Variants in GRM8 observed in about 807,000 individuals in gnomAD.
GRM8 encodes the protein glutamate metabotropic receptor 8, also known as metabotropic glutamate receptor 8.
GRM8 carries 47 observed loss-of-function variants against 87.2 expected under a neutral mutation model. That is an observed-to-expected ratio of 0.54 (90% confidence interval 0.43 to 0.69). The LOEUF (loss-of-function observed/expected upper bound fraction) is 0.69, where lower values mean the gene tolerates loss of function less well. GRM8 is among the 30% of genes least tolerant of loss of function. The probability of loss-of-function intolerance (pLI) is 0.00; values close to 1 mark genes in which losing one functional copy is unlikely to be tolerated. For missense variants in GRM8, 1,019 were observed against 1,139.2 expected (o/e 0.89, Z 1.52); for synonymous variants, 396 against 404.5 (o/e 0.98, Z 0.25).
chr7:126,685,249 G>A lies in GRM8; in HGVS notation c.1358-75751C>T, dbSNP rs369122338. Among the ~76,000 whole-genome samples, 61 of 152,254 alleles carry A rather than the reference G, an allele frequency of 4.0e-4. No homozygotes were observed. The highest frequency in any genetic ancestry group is 1.2e-3 in the African/African-American group (49 of 41,566). On this transcript the variant is annotated intron_variant, in intron 7 of 10. Transcript: ENST00000339582. The surrounding 1 kb of genome is among the most constrained non-coding windows in gnomAD (Gnocchi z 4.2). ...CCCTGGGGGCCACCATGATGGGGCC[G>A]GGCCAAGTTGCCTACAGGCAGGGGA...
intron 3 of GRM8, among the ~76,000 whole-genome samples, chr7:126,916,443 G>T (rs1803908769): frequency 6.6e-6 from 1 of 152,132 alleles, no homozygotes; most frequent in Non-Finnish European, 1.5e-5. Context: ...TCAGAAAAAG[G>T]CAAAGTATCT....
At chr7:126,630,503 A>G (rs1381162855) in intron 7 of GRM8, among the ~76,000 whole-genome samples, 1 of 152,154 alleles carries the variant, frequency 6.6e-6, no homozygotes, top group Non-Finnish European at 1.5e-5. Context: ...AAAAAATTGA[A>G]AAGGTTGGAT....
intron 9 of GRM8, among the ~76,000 whole-genome samples, chr7:126,451,656 C>T (rs890223337): frequency 1.3e-5 from 2 of 151,742 alleles, no homozygotes; most frequent in African/African-American, 4.8e-5. Context: ...CCACAAGATC[C>T]TCTGAGAACT....
chr7:127,216,087 G>A (rs566235221), intron 2 of GRM8, among the ~76,000 whole-genome samples: 6 of 152,172 alleles, frequency 3.9e-5, no homozygotes, highest in Non-Finnish European at 2.9e-5. Flanking sequence ...TCTGCTCTTT[G>A]CAAGGTACAA....
At chr7:127,019,755 T>C (rs1328426564) in intron 3 of GRM8, among the ~76,000 whole-genome samples, 1 of 152,100 alleles carries the variant, frequency 6.6e-6, no homozygotes, top group African/African-American at 2.4e-5. Flanking sequence ...ATTTGAATCT[T>C]ATCTCTATTG....
chr7:126,797,406 A>G (rs1822074771), intron 6 of GRM8, among the ~76,000 whole-genome samples: 1 of 152,130 alleles, frequency 6.6e-6, no homozygotes, highest in Non-Finnish European at 1.5e-5. Flanking sequence ...AAAATAGCAT[A>G]TATTCTTGTT....
chr7:126,842,363 G>A (rs1013374255), intron 6 of GRM8, among the ~76,000 whole-genome samples: 2 of 152,192 alleles, frequency 1.3e-5, no homozygotes, highest in African/African-American at 4.8e-5. Context: ...CTGCTGAAGA[G>A]AAGAGGAACT....
intron 6 of GRM8, among the ~76,000 whole-genome samples, chr7:126,774,021 T>C (rs1291528178): frequency 6.6e-6 from 1 of 152,162 alleles, no homozygotes; most frequent in East Asian, 1.9e-4. Flanking sequence ...TTTTTGTTCT[T>C]TTAAAGAGTT....
chr7:126,484,041 C>T (rs1233801362), intron 9 of GRM8, among the ~76,000 whole-genome samples: 2 of 151,978 alleles, frequency 1.3e-5, no homozygotes, highest in Admixed American at 1.3e-4. Flanking sequence ...AATAATTACC[C>T]TATCAGAAGG....
chr7:127,235,883 G>A (rs2116838887), intron 2 of GRM8, among the ~76,000 whole-genome samples: 1 of 152,206 alleles, frequency 6.6e-6, no homozygotes, highest in East Asian at 1.9e-4. Flanking sequence ...GAAAAAGAAA[G>A]TCATAAATCA....
At chr7:127,220,188 T>G (rs1326253814) in intron 2 of GRM8, among the ~76,000 whole-genome samples, 1 of 152,190 alleles carries the variant, frequency 6.6e-6, no homozygotes, top group East Asian at 1.9e-4. Context: ...CTGACATCGC[T>G]AAGGTCTTCC....
chr7:126,487,226 A>G (rs1584787410), intron 9 of GRM8, among the ~76,000 whole-genome samples: 1 of 151,972 alleles, frequency 6.6e-6, no homozygotes, highest in Admixed American at 6.6e-5. Flanking sequence ...GATTTAATCT[A>G]TAAGTTGTTT....
At chr7:126,455,305 G>A (rs1764243090) in intron 9 of GRM8, among the ~76,000 whole-genome samples, 2 of 149,196 alleles carry the variant, frequency 1.3e-5, no homozygotes, top group Non-Finnish European at 3.0e-5. Flanking sequence ...TCTCTAATTT[G>A]AAAGCCCATA....
chr7:126,810,072 A>T (rs962633752), intron 6 of GRM8, among the ~76,000 whole-genome samples: 14 of 152,138 alleles, frequency 9.2e-5, no homozygotes, highest in African/African-American at 3.1e-4. Flanking sequence ...ATAAAGGGGA[A>T]AACATACTCT....
chr7:127,189,415 C>T (rs892052987), intron 2 of GRM8, among the ~76,000 whole-genome samples: 2 of 152,128 alleles, frequency 1.3e-5, no homozygotes, highest in African/African-American at 4.8e-5. Flanking sequence ...TTGCCCTGTA[C>T]AGCAGGTCCA....
At chr7:126,446,405 G>T in intron 9 of GRM8, 33 bp from the exon 10 acceptor site, 1 of 1,465,220 alleles carries the variant, frequency 6.8e-7, no homozygotes, top group Non-Finnish European at 9.4e-7. Context: ...ATCACTGTTG[G>T]TAAGCCTAAC....
chr7:126,707,313 G>A (rs190118597), intron 7 of GRM8, among the ~76,000 whole-genome samples: 1 of 152,032 alleles, frequency 6.6e-6, no homozygotes, highest in Non-Finnish European at 1.5e-5. Context: ...TTTAAATAAG[G>A]CTAAAGTTTC....
intron 7 of GRM8, among the ~76,000 whole-genome samples, chr7:126,678,336 A>C (rs1807205347): frequency 6.6e-6 from 1 of 152,188 alleles, no homozygotes; most frequent in Non-Finnish European, 1.5e-5. Context: ...TTCAAAGAAA[A>C]CAAAGAATAC....
In GRM8 at chr7:126,439,000, T is replaced by C. The variant is rs1054630517; in HGVS notation, c.*119A>G. The C allele has an allele frequency of 1.6e-5, 12 of 739,790 alleles. No individual in the cohort carries two copies. In the Admixed American group the frequency reaches 1.9e-4, roughly 12 times the overall value. 45.8% of individuals were successfully genotyped at this position (739,790 alleles called of 1,614,324 possible). On this transcript the variant is annotated 3_prime_UTR_variant, in exon 11 of 11. Transcript: ENST00000339582. The stretch of plus-strand genomic sequence containing the variant: ...GGCTAATTTTTGTTCCTTACAAGAC[T>C]GACTATTGATTTGATTGATTGTAGT...
Sources: allele counts gnomAD v4.1 joint callset (sites outside exome capture counted in the v4.1 genomes callset), GRCh38; gene constraint gnomAD v4.1.1; non-coding constraint Gnocchi (gnomAD v3.1); transcripts MANE v1.5; gene names NCBI Gene and HGNC (gene_info 2026-07-23, HGNC 2026-07-21).